SNX29: variants seen among roughly 807,000 people sequenced by gnomAD.
SNX29 encodes the protein sorting nexin-29.
A neutral mutation model predicts 102.1 loss-of-function variants in SNX29; 78 were observed. That is an observed-to-expected ratio of 0.76 (90% CI 0.64 to 0.92). The LOEUF (loss-of-function observed/expected upper bound fraction) is 0.92, where lower values mean the gene tolerates loss of function less well. Among genes scored for constraint, SNX29 ranks in the 40% least tolerant of loss-of-function variants. SNX29 has a pLI of 0.00. For synonymous variants in SNX29, 580 were observed against 414.5 expected, an observed-to-expected ratio of 1.40 and a Z score of -4.85; for missense variants, 1,280 against 1,061.7, an observed-to-expected ratio of 1.21 and a Z score of -2.86.
chr16:12,391,618 C>T (rs544660309), intron 16 of SNX29, among the ~76,000 whole-genome samples: 3 of 152,206 alleles, frequency 2.0e-5, no homozygotes, highest in African/African-American at 7.2e-5. Context: ...TCCATCTATG[C>T]GTGCATCCAT....
intron 13 of SNX29, among the ~76,000 whole-genome samples, chr16:12,165,956 C>T (rs563916090): frequency 3.9e-5 from 6 of 152,216 alleles, no homozygotes; most frequent in Non-Finnish European, 5.9e-5. Context: ...CTCTCTAGGC[C>T]GTGTTTGACC....
intron 14 of SNX29, among the ~76,000 whole-genome samples, chr16:12,207,586 C>T (rs904738999): frequency 3.9e-5 from 6 of 152,116 alleles, no homozygotes; most frequent in Admixed American, 2.0e-4. Flanking sequence ...TTTGCTGTTA[C>T]GTTTGTCTCA....
chr16:12,410,068 C>A (rs1166514814), intron 18 of SNX29, among the ~76,000 whole-genome samples: 1 of 152,036 alleles, frequency 6.6e-6, no homozygotes, highest in Non-Finnish European at 1.5e-5. Context: ...AATCTCGGTT[C>A]ACTGCAAGCT....
chr16:12,018,151 A>G (rs2056905430), intron 3 of SNX29, among the ~76,000 whole-genome samples: 1 of 152,178 alleles, frequency 6.6e-6, no homozygotes, highest in South Asian at 2.1e-4. Flanking sequence ...AATTTGGGAA[A>G]AATTGATGTT....
At chr16:12,450,160 A>C (rs943977666) in intron 18 of SNX29, among the ~76,000 whole-genome samples, 1 of 152,222 alleles carries the variant, frequency 6.6e-6, no homozygotes. Context: ...CCAGCCATGT[A>C]GAACTGTGAG....
intron 3 of SNX29, among the ~76,000 whole-genome samples, chr16:12,018,573 A>G (rs2056919439): frequency 6.7e-6 from 1 of 149,482 alleles, no homozygotes; most frequent in African/African-American, 2.5e-5. Context: ...ACAGAGTGAG[A>G]CTCTGTCTCA....
chr16:12,516,576 C>G (rs1597697286), intron 19 of SNX29, among the ~76,000 whole-genome samples: 1 of 150,830 alleles, frequency 6.6e-6, no homozygotes, highest in African/African-American at 2.4e-5. Flanking sequence ...TTCTAGAATT[C>G]TCTAGCCAGT....
At chr16:12,441,625 C>A (rs549455704) in intron 18 of SNX29, among the ~76,000 whole-genome samples, 1 of 152,100 alleles carries the variant, frequency 6.6e-6, no homozygotes, top group Admixed American at 6.5e-5. Context: ...TTTTTAATGT[C>A]GGTAAAGTCC....
At chr16:12,142,922 A>G (rs1323191335) in intron 13 of SNX29, among the ~76,000 whole-genome samples, 1 of 152,052 alleles carries the variant, frequency 6.6e-6, no homozygotes, top group Admixed American at 6.6e-5. Flanking sequence ...AGCTTAGTCA[A>G]TCAGAGAGAA....
rs144144169 is a variant in SNX29, at chr16:12,094,562, A to T, written c.1402+15647A>T. Among the ~76,000 whole-genome samples, 75 of 152,238 alleles carry T rather than the reference A, an allele frequency of 4.9e-4. 2 individuals carry two copies. In the East Asian group the frequency reaches 0.012, roughly 24 times the overall value. ...GCTACTCTTTCTATGAGGCCTGAAA[A>T]TTGGAAGTGATCACGCAGGATGGTG... On this transcript the variant is annotated intron_variant, in intron 11 of 20. Transcript: ENST00000566228.
At chr16:12,336,963 CA>C (rs536064856) in intron 15 of SNX29, among the ~76,000 whole-genome samples, 1 of 152,122 alleles carries the variant, frequency 6.6e-6, no homozygotes, top group Admixed American at 6.6e-5. Flanking sequence ...AACAAACAAA[CA>C]AAAAACAGAC....
Position 12,371,999 on chromosome 16 carries a change from C to T in SNX29, c.1899+15720C>T, listed in dbSNP as rs138551751. Reference sequence around the variant, plus strand: ...AAGTTATATAAATAATATAAAAATACATTTCTGAAAGAATATAAATAATGC... The same window carrying T: ...AAGTTATATAAATAATATAAAAATATATTTCTGAAAGAATATAAATAATGC... On this transcript the variant is annotated intron_variant, in intron 16 of 20. Coordinates refer to ENST00000566228, the MANE Select transcript of SNX29 (RefSeq NM_032167.5). Among the ~76,000 whole-genome samples, 1,136 of 152,252 alleles carry T rather than the reference C, an allele frequency of 7.5e-3. 18 individuals are homozygous for T. The highest frequency in any genetic ancestry group is 0.025 in the African/African-American group (1,034 of 41,542).
chr16:12,300,668 C>T (rs950391915), intron 15 of SNX29, among the ~76,000 whole-genome samples: 1 of 152,222 alleles, frequency 6.6e-6, no homozygotes, highest in Non-Finnish European at 1.5e-5. Flanking sequence ...GTAACCCTGA[C>T]TTCTCTTTGA....
rs1171083972 is a variant in SNX29 at position 12,048,368 on chromosome 16, G to A, written c.500-4G>A. The stretch of plus-strand genomic sequence containing the variant: ...ACTCCAGACTTTTCCCTTTTTTTGG[G>A]CAGGTCTGAACTCCATACTCTTTGC... On this transcript the variant is annotated splice_polypyrimidine_tract_variant and splice_region_variant and intron_variant, in intron 6 of 20. Transcript: ENST00000566228. 1.2e-6 allele frequency: 2 copies of A among 1,613,548 alleles called. No homozygotes were observed. Among genetic ancestry groups the A allele is most frequent in the Non-Finnish European group, 1.7e-6 (2 of 1,179,786 alleles).
chr16:12,430,349 T>C (rs1051818416), intron 18 of SNX29, among the ~76,000 whole-genome samples: 3 of 152,238 alleles, frequency 2.0e-5, no homozygotes, highest in African/African-American at 4.8e-5. Flanking sequence ...TGAAGGATAA[T>C]GACTGTGAGG....
At chr16:12,461,927 A>T (rs1159663619) in intron 18 of SNX29, among the ~76,000 whole-genome samples, 2 of 130,136 alleles carry the variant, frequency 1.5e-5, no homozygotes, top group Non-Finnish European at 3.2e-5. Context: ...CTGCACTCCA[A>T]CCTGGGTGAC....
At chr16:12,466,819 G>C (rs901307559) in intron 18 of SNX29, among the ~76,000 whole-genome samples, 1 of 152,156 alleles carries the variant, frequency 6.6e-6, no homozygotes, top group African/African-American at 2.4e-5. Flanking sequence ...GAGGGGATTG[G>C]AAAGTCCATT....
At chr16:12,547,093 C>A (rs111823548) in intron 20 of SNX29, among the ~76,000 whole-genome samples, 2 of 152,122 alleles carry the variant, frequency 1.3e-5, no homozygotes, top group Non-Finnish European at 2.9e-5. Context: ...TGTGAGGTGG[C>A]GATTTCCAGT....
chr16:12,169,705 CA>C (rs1337017655), intron 13 of SNX29, among the ~76,000 whole-genome samples: 26 of 151,870 alleles, frequency 1.7e-4, no homozygotes, highest in Non-Finnish European at 2.4e-4. Flanking sequence ...ACTAAAAATA[CA>C]AAAAATTAGC....
Sources: gnomAD v4.1 joint callset for allele counts (sites outside exome capture counted in the v4.1 genomes callset) on GRCh38, gnomAD v4.1.1 for gene constraint, MANE v1.5 for transcripts, NCBI Gene and HGNC (gene_info 2026-07-23, HGNC 2026-07-21) for gene names.